DMD: variants seen among roughly 807,000 people sequenced by gnomAD.
The protein encoded by DMD is dystrophin.
Under a neutral mutation model 330.1 loss-of-function variants are expected in DMD, and 63 were observed. That is an observed-to-expected ratio of 0.19 (90% CI 0.16 to 0.24). The LOEUF (loss-of-function observed/expected upper bound fraction) is 0.24. Ranked by LOEUF, DMD falls within the 10% of genes least tolerant of loss-of-function variation. The probability of loss-of-function intolerance (pLI) is 1.00; values close to 1 mark genes in which losing one functional copy is unlikely to be tolerated. For missense variants in DMD, 3,344 were observed against 2,684.1 expected, an observed-to-expected ratio of 1.25 and a Z score of -5.43; for synonymous variants, 1,223 against 959.8, an observed-to-expected ratio of 1.27 and a Z score of -5.07.
intron 1 of DMD, among the ~76,000 whole-genome samples, chrX:33,146,093 A>G (rs976061028): frequency 2.6e-4 from 29 of 110,012 alleles, no homozygotes; most frequent in African/African-American, 7.6e-4. Flanking sequence ...ACGGGATTTC[A>G]CCATATTGGC....
At chrX:31,736,926 T>A (rs6631377) in intron 51 of DMD, among the ~76,000 whole-genome samples, 34,267 of 110,426 alleles carry the variant, frequency 0.31, 3,924 homozygotes, top group East Asian at 0.5. Flanking sequence ...AGATACTGAG[T>A]CTCTACCTCT....
At chrX:32,732,096 A>C (rs186732390) in intron 7 of DMD, among the ~76,000 whole-genome samples, 90 of 112,023 alleles carry the variant, frequency 8.0e-4, no homozygotes, top group South Asian at 7.2e-3. Flanking sequence ...AACCAAGGCT[A>C]GAGAAGTACG....
chrX:31,499,354 C>T (rs774410662), intron 56 of DMD, among the ~76,000 whole-genome samples: 3 of 111,035 alleles, frequency 2.7e-5, no homozygotes, highest in Admixed American at 9.6e-5. Flanking sequence ...CCTCAAGCTG[C>T]GGCTTTGTTT....
At chrX:32,194,365 C>T (rs1270493401) in intron 44 of DMD, among the ~76,000 whole-genome samples, 1 of 112,077 alleles carries the variant, frequency 8.9e-6, no homozygotes, top group East Asian at 2.8e-4. Context: ...AATTCCAACC[C>T]TCACCCAGAG....
At chrX:32,258,206 ACT>A (rs757033666) in intron 43 of DMD, among the ~76,000 whole-genome samples, 1 of 111,999 alleles carries the variant, frequency 8.9e-6, no homozygotes, top group East Asian at 2.8e-4. Flanking sequence ...ACGCTTTTAC[ACT>A]GTTGGTGGGA....
At chrX:31,382,201 A>G (rs1185263612) in intron 60 of DMD, among the ~76,000 whole-genome samples, 1 of 111,665 alleles carries the variant, frequency 9.0e-6, no homozygotes, top group Non-Finnish European at 1.9e-5. Flanking sequence ...GGACTGGACA[A>G]TACTTTTACC....
At chrX:33,023,884 G>A (rs545867829) in intron 1 of DMD, among the ~76,000 whole-genome samples, 4 of 111,287 alleles carry the variant, frequency 3.6e-5, no homozygotes, top group South Asian at 3.7e-4. Flanking sequence ...CCAAGTTAAC[G>A]ATCAAAATTA....
intron 25 of DMD, 48 bp from the exon 26 acceptor site, chrX:32,454,880 CATTATT>C (rs759939487): frequency 6.9e-6 from 8 of 1,159,330 alleles, no homozygotes; most frequent in Admixed American, 2.2e-5. Flanking sequence ...AGTGATGAAA[CATTATT>C]ATTATATTAT....
At chrX:32,716,628 T>G (rs2065763528) in intron 7 of DMD, among the ~76,000 whole-genome samples, 1 of 108,990 alleles carries the variant, frequency 9.2e-6, no homozygotes, top group Non-Finnish European at 1.9e-5. Flanking sequence ...TGGAACAGAG[T>G]AAGAAGCACA....
At chrX:31,434,412 G>C (rs909321167) in intron 60 of DMD, among the ~76,000 whole-genome samples, 1 of 67,114 alleles carries the variant, frequency 1.5e-5, no homozygotes, top group Non-Finnish European at 2.6e-5. Context: ...TTACTGCAGC[G>C]CGCGCGCACA....
intron 9 of DMD, among the ~76,000 whole-genome samples, chrX:32,685,261 AATCTT>A (rs756981951): frequency 9.0e-6 from 1 of 111,461 alleles, no homozygotes; most frequent in African/African-American, 3.2e-5. Context: ...TCCACGGGCT[AATCTT>A]ATTTCTCATT....
chrX:31,913,734 A>AAAAACAAAAAC (rs1556996830), intron 47 of DMD, among the ~76,000 whole-genome samples: 1 of 107,757 alleles, frequency 9.3e-6, no homozygotes, highest in African/African-American at 3.5e-5. Context: ...AAACAAAAAC[A>AAAAACAAAAAC]AAAACAAAAC....
In DMD at chrX:32,054,086, TGTGAGAGA is replaced by T. The variant is rs1480433499; in HGVS notation, c.6439-85580_6439-85573del. On this transcript the variant is annotated intron_variant, in intron 44 of 78. Coordinates refer to ENST00000357033, the MANE Select transcript of DMD (RefSeq NM_004006.3). ...TATGTGGGGTATGTGTGTGTGTGTGTGTGAGAGAGAGAGAGAGAGAGAGAGAGAGAGAG... is the reference window on the plus strand; with the variant it reads ...TATGTGGGGTATGTGTGTGTGTGTGTGAGAGAGAGAGAGAGAGAGAGAGAG... Among the ~76,000 whole-genome samples, 428 of 78,961 alleles carry T rather than the reference TGTGAGAGA, an allele frequency of 5.4e-3. 2 individuals carry two copies. The highest frequency in any genetic ancestry group is 0.01 in the African/African-American group (193 of 19,049). The allele number at this position is 78,961 out of a possible 115,157, so 68.6% of individuals were successfully genotyped here.
rs200237224 is a variant in DMD at position 32,700,077 on chromosome X, AT to A, written c.650-785del. ...TATAAAGTGGCAGCTCCTTCAAAAG[AT>A]TCATTTGCTACTTGGCATTAAAATT... On this transcript the variant is annotated intron_variant, in intron 7 of 78. Coordinates refer to ENST00000357033, the MANE Select transcript of DMD (RefSeq NM_004006.3). Among the ~76,000 whole-genome samples, 1,085 of 111,771 alleles carry A rather than the reference AT, an allele frequency of 9.7e-3. 5 individuals are homozygous for A. The highest frequency in any genetic ancestry group is 0.032 in the South Asian group (86 of 2,691).
chrX:33,306,950 G>A (rs2148944383), intron 1 of DMD, among the ~76,000 whole-genome samples: 1 of 111,792 alleles, frequency 8.9e-6, no homozygotes, highest in Non-Finnish European at 1.9e-5. Flanking sequence ...TGCAAAATGA[G>A]GATATTAATA....
intron 29 of DMD, among the ~76,000 whole-genome samples, chrX:32,414,272 T>A (rs1370053200): frequency 1.8e-5 from 2 of 111,892 alleles, no homozygotes; most frequent in African/African-American, 6.5e-5. Context: ...TGGCTACCTC[T>A]GGCACCTTCT....
At chrX:32,754,989 G>A (rs2071321596) in intron 7 of DMD, 1 of 111,170 alleles carries the variant, frequency 9.0e-6, no homozygotes, top group South Asian at 3.8e-4. Flanking sequence ...TTACATGTCA[G>A]GTAAGTTACC....
intron 51 of DMD, among the ~76,000 whole-genome samples, chrX:31,753,710 T>C (rs764517572): frequency 1.8e-5 from 2 of 112,047 alleles, no homozygotes; most frequent in East Asian, 5.6e-4. Context: ...AATGATGATG[T>C]TGCCCAAATT....
intron 63 of DMD, among the ~76,000 whole-genome samples, chrX:31,241,295 C>G (rs2048257796): frequency 9.0e-6 from 1 of 111,326 alleles, no homozygotes. Context: ...ACGTAAATCC[C>G]TGCTTTGCAA....
Sources: allele counts gnomAD v4.1 joint callset (sites outside exome capture counted in the v4.1 genomes callset), GRCh38; gene constraint gnomAD v4.1.1; transcripts MANE v1.5; gene names NCBI Gene and HGNC (gene_info 2026-07-23, HGNC 2026-07-21).